The following YAP1 variants were observed in gnomAD, a reference collection of about 807,000 sequenced individuals.
YAP1 encodes transcriptional coactivator YAP1.
In YAP1, 5 loss-of-function variants were observed where a neutral mutation model predicts 56.9. The observed-to-expected ratio is 0.09, with a 90% CI of 0.05 to 0.18. The LOEUF is 0.18. YAP1 is among the 10% of genes least tolerant of loss of function. The pLI is 1.00. For synonymous variants in YAP1, 265 were observed against 248.1 expected (o/e 1.07, Z -0.64); for missense variants, 539 against 651.8 (o/e 0.83, Z 1.88).
chr11:102,212,320 T>A (rs1894117), intron 6 of YAP1, among the ~76,000 whole-genome samples: 142,217 of 152,250 alleles, frequency 0.93, 67,156 homozygotes, highest in East Asian at 1. Flanking sequence ...AAGTACTTCC[T>A]ATAGGATTTA....
At chr11:102,145,862 CT>C (rs1945296119) in intron 2 of YAP1, among the ~76,000 whole-genome samples, 1 of 152,186 alleles carries the variant, frequency 6.6e-6, no homozygotes, top group Non-Finnish European at 1.5e-5. Flanking sequence ...GCTCATTGGA[CT>C]TTCCAGTATT....
At chr11:102,225,158 T>C (rs1950135022) in intron 7 of YAP1, among the ~76,000 whole-genome samples, 1 of 150,874 alleles carries the variant, frequency 6.6e-6, no homozygotes, top group Admixed American at 6.6e-5. Context: ...ATAACATACA[T>C]CTGACTTTGA....
chr11:102,154,349 G>T (rs772079268), intron 2 of YAP1, among the ~76,000 whole-genome samples: 1 of 152,114 alleles, frequency 6.6e-6, no homozygotes, highest in South Asian at 2.1e-4. Flanking sequence ...GGAGACAGAA[G>T]GGAAGACATT....
At chr11:102,144,410 G>A (rs571129500) in intron 2 of YAP1, among the ~76,000 whole-genome samples, 78 of 152,250 alleles carry the variant, frequency 5.1e-4, no homozygotes, top group African/African-American at 1.9e-3. Flanking sequence ...TAGAACCTCT[G>A]CTATTTAAAG....
At chr11:102,176,060 TGAA>T in intron 3 of YAP1, among the ~76,000 whole-genome samples, 1 of 152,196 alleles carries the variant, frequency 6.6e-6, no homozygotes, top group African/African-American at 2.4e-5. Context: ...AAAAAAAAAC[TGAA>T]GAAGAATCAG....
intron 6 of YAP1, among the ~76,000 whole-genome samples, chr11:102,218,408 T>C (rs1210840773): frequency 6.6e-6 from 1 of 152,244 alleles, no homozygotes; most frequent in Non-Finnish European, 1.5e-5. Context: ...TATAACTGTG[T>C]TGTCATTCTG....
chr11:102,204,751 G>A (rs1180587109), intron 4 of YAP1, among the ~76,000 whole-genome samples: 1 of 152,080 alleles, frequency 6.6e-6, no homozygotes, highest in Non-Finnish European at 1.5e-5. Flanking sequence ...ATGAGAGATT[G>A]GCCTGTAATT....
chr11:102,223,882 C>T, intron 7 of YAP1, 130 bp downstream of exon 7: 1 of 1,202,368 alleles, frequency 8.3e-7, no homozygotes, highest in Non-Finnish European at 1.2e-6. Context: ...ATGAATCTCT[C>T]TGTAAATGGC....
At chr11:102,141,723 A>T (rs1223676918) in intron 2 of YAP1, among the ~76,000 whole-genome samples, 2 of 152,212 alleles carry the variant, frequency 1.3e-5, no homozygotes, top group East Asian at 3.8e-4. Flanking sequence ...TGGTTAAAAA[A>T]ATTTCCTCTC....
chr11:102,110,762 C>G lies in YAP1; in HGVS notation c.-87C>G. 1 of 1,190,348 alleles carries G rather than the reference C, an allele frequency of 8.4e-7. No individual in the cohort carries two copies. Among genetic ancestry groups the G allele is most frequent in the Non-Finnish European group, 1.1e-6 (1 of 951,672 alleles). 73.7% of individuals were successfully genotyped at this position (1,190,348 alleles called of 1,614,324 possible). On this transcript the variant is annotated 5_prime_UTR_variant, in exon 1 of 9. Transcript: ENST00000282441. ...GCCCGGCCCGCAGCCGTCGCCGCTT[C>G]TCCACCTCGGCCCGTGGAGCCGGGG...
At chr11:102,127,697 T>G (rs946946476) in intron 2 of YAP1, among the ~76,000 whole-genome samples, 3 of 152,122 alleles carry the variant, frequency 2.0e-5, no homozygotes, top group African/African-American at 7.2e-5. Context: ...GCCACCATCC[T>G]CCAGACCCCA....
intron 3 of YAP1, 115 bp from the exon 4 acceptor site, chr11:102,185,903 C>A: frequency 9.5e-7 from 1 of 1,049,442 alleles, no homozygotes; most frequent in Non-Finnish European, 1.3e-6. Flanking sequence ...AAATATGTTT[C>A]AATGAATTGT....
At chr11:102,207,548 AT>A (rs1046007040) in intron 5 of YAP1, among the ~76,000 whole-genome samples, 9 of 151,522 alleles carry the variant, frequency 5.9e-5, no homozygotes, top group Non-Finnish European at 1.3e-4. Context: ...AAAGCTCTAC[AT>A]TTCTGTTACC....
Position 102,159,613 on chromosome 11 carries a change from T to A in YAP1, c.573-2843T>A, listed in dbSNP as rs139544801. ...TATTGGGGTAGCAACAGAATGAAAT[T>A]TTTGAGGGCTTTTTGCGTACCAGGA... On this transcript the variant is annotated intron_variant, in intron 2 of 8. Transcript: ENST00000282441. Among the ~76,000 whole-genome samples, 1,107 of 152,290 alleles carry A rather than the reference T, an allele frequency of 7.3e-3. 13 individuals carry two copies. Among genetic ancestry groups the A allele is most frequent in the African/African-American group, 0.025 (1,055 of 41,546 alleles).
intron 2 of YAP1, among the ~76,000 whole-genome samples, chr11:102,132,158 A>G (rs531369862): frequency 6.6e-6 from 1 of 152,214 alleles, no homozygotes; most frequent in South Asian, 2.1e-4. Flanking sequence ...TGAGCAGACA[A>G]CTCTGGAAGG....
rs894011677 is a variant in YAP1, at chr11:102,166,327, T to G, written c.688+3756T>G. On this transcript the variant is annotated intron_variant, in intron 3 of 8. Transcript: ENST00000282441. ...CACTTGTCTGTTGTCTTTTCTTCCATTTCAGTGGAAGCCCATGGTTTTGAC... is the reference window on the plus strand; with the variant it reads ...CACTTGTCTGTTGTCTTTTCTTCCAGTTCAGTGGAAGCCCATGGTTTTGAC... 6.6e-5 allele frequency among the ~76,000 whole-genome samples: 10 copies of G among 152,206 alleles called. No homozygotes were observed. The East Asian group carries it at 1.7e-3, about 26-fold the overall frequency.
chr11:102,183,351 T>C (rs118043697), intron 3 of YAP1, among the ~76,000 whole-genome samples: 1 of 152,230 alleles, frequency 6.6e-6, no homozygotes, highest in Non-Finnish European at 1.5e-5. Flanking sequence ...GTAAAGAATT[T>C]AGGCATTTTC....
At chr11:102,161,598 T>TTA (rs1946296318) in intron 2 of YAP1, among the ~76,000 whole-genome samples, 1 of 152,172 alleles carries the variant, frequency 6.6e-6, no homozygotes, top group Non-Finnish European at 1.5e-5. Flanking sequence ...GAAGAGATGT[T>TTA]TATATATAAG....
intron 4 of YAP1, among the ~76,000 whole-genome samples, chr11:102,202,030 A>T (rs1385892984): frequency 6.6e-6 from 1 of 152,206 alleles, no homozygotes; most frequent in African/African-American, 2.4e-5. Context: ...ACCTGGTCAA[A>T]TATGGCACAC....
Sources: gnomAD v4.1 joint callset for allele counts (sites outside exome capture counted in the v4.1 genomes callset) on GRCh38, gnomAD v4.1.1 for gene constraint, MANE v1.5 for transcripts, NCBI Gene and HGNC (gene_info 2026-07-23, HGNC 2026-07-21) for gene names.